ACACA: variants seen among roughly 807,000 people sequenced by gnomAD.
The protein encoded by ACACA is acetyl-CoA carboxylase 1.
ACACA carries 103 observed loss-of-function variants against 296.1 expected under a neutral mutation model. That is an observed-to-expected ratio of 0.35 (90% CI 0.30 to 0.41). The LOEUF is 0.41. Ranked by LOEUF, ACACA falls within the 10% of genes least tolerant of loss-of-function variation. The pLI, the probability that ACACA is intolerant of heterozygous loss-of-function variation, is 1.00. For missense variants in ACACA, 1,554 were observed against 2,989.7 expected, an observed-to-expected ratio of 0.52 and a Z score of 11.20; for synonymous variants, 953 against 1,038.6, an observed-to-expected ratio of 0.92 and a Z score of 1.58.
In ACACA at chr17:37,102,098, C is replaced by T. The variant is rs1288625243; in HGVS notation, c.6566-4114G>A. Reference sequence around the variant, plus strand: ...CCAGTTGCTTCAGGTACATGATCTCCAATCCTTAGGACAACTCAACTTTAT... The same window carrying T: ...CCAGTTGCTTCAGGTACATGATCTCTAATCCTTAGGACAACTCAACTTTAT... On this transcript the variant is annotated intron_variant, in intron 52 of 55. Coordinates refer to ENST00000616317, the MANE Select transcript of ACACA (RefSeq NM_198834.3). Among the ~76,000 whole-genome samples the T allele has an allele frequency of 2.6e-5, 4 of 152,082 alleles. No homozygotes were observed. In the East Asian group the frequency reaches 5.8e-4, roughly 22 times the overall value.
At chr17:37,377,357 G>T (rs1238534582) in intron 1 of ACACA, among the ~76,000 whole-genome samples, 1 of 151,954 alleles carries the variant, frequency 6.6e-6, no homozygotes, top group Non-Finnish European at 1.5e-5. Context: ...TATGTATTTG[G>T]CTGGGTGTTC....
chr17:37,310,560 G>T (rs1440659962), intron 3 of ACACA, among the ~76,000 whole-genome samples: 2 of 151,986 alleles, frequency 1.3e-5, no homozygotes. Flanking sequence ...TTGGGAGGCA[G>T]AGGCAGGTGG....
chr17:37,201,887 G>A (rs914839275), intron 33 of ACACA, among the ~76,000 whole-genome samples: 46 of 152,156 alleles, frequency 3.0e-4, no homozygotes, highest in African/African-American at 1.0e-3. Context: ...TCAATTCTGC[G>A]ATGGCATTGC....
chr17:37,115,745 T>C (rs2074215390), intron 50 of ACACA, among the ~76,000 whole-genome samples: 1 of 152,248 alleles, frequency 6.6e-6, no homozygotes, highest in Non-Finnish European at 1.5e-5. Context: ...GTGTGATTTT[T>C]AATTTTATGA....
At chr17:37,347,777 T>C (rs1466040226) in intron 1 of ACACA, among the ~76,000 whole-genome samples, 1 of 147,232 alleles carries the variant, frequency 6.8e-6, no homozygotes, top group Non-Finnish European at 1.5e-5. Context: ...AGAAAAAAAA[T>C]TTTTTAACAA....
chr17:37,358,876 G>C, intron 1 of ACACA: 1 of 906,002 alleles, frequency 1.1e-6, no homozygotes, highest in Non-Finnish European at 1.3e-6. Context: ...GGATAGTGTG[G>C]AGCCCAGGCC....
chr17:37,316,335 C>A (rs927989022), intron 3 of ACACA, among the ~76,000 whole-genome samples: 82 of 105,634 alleles, frequency 7.8e-4, no homozygotes, highest in Admixed American at 3.1e-3. Context: ...ACACACACAC[C>A]CCTAACTTTG....
chr17:37,104,061 G>C (rs949679183), intron 52 of ACACA, among the ~76,000 whole-genome samples: 1 of 152,116 alleles, frequency 6.6e-6, no homozygotes, highest in African/African-American at 2.4e-5. Flanking sequence ...GGCCACATTG[G>C]AAGAAGAAGA....
intron 54 of ACACA, among the ~76,000 whole-genome samples, chr17:37,093,092 G>A (rs2072754180): frequency 6.6e-6 from 1 of 152,174 alleles, no homozygotes; most frequent in African/African-American, 2.4e-5. Context: ...CTCCCTGCCT[G>A]GCCCTGTGTG....
At chr17:37,161,169 A>G (rs1049281403) in intron 42 of ACACA, among the ~76,000 whole-genome samples, 3 of 152,252 alleles carry the variant, frequency 2.0e-5, no homozygotes, top group African/African-American at 4.8e-5. Flanking sequence ...CCAAAGGATC[A>G]GGAAACACAA....
At chr17:37,181,051 C>T in intron 40 of ACACA, 150 bp downstream of exon 40, 1 of 855,310 alleles carries the variant, frequency 1.2e-6, no homozygotes. Flanking sequence ...TTGGCAGTCA[C>T]CAATCCTCAA....
chr17:37,293,080 C>G (rs901377207), intron 3 of ACACA, among the ~76,000 whole-genome samples: 1 of 152,184 alleles, frequency 6.6e-6, no homozygotes. Context: ...TTAATCAAGA[C>G]TAAGAACTTT....
chr17:37,167,731 T>C (rs2076738709), intron 41 of ACACA, among the ~76,000 whole-genome samples: 3 of 151,944 alleles, frequency 2.0e-5, no homozygotes, highest in Middle Eastern at 3.4e-3. Context: ...TGTGGTTTAT[T>C]TAATACAATT....
At chr17:37,273,258 C>T (rs2082141900) in intron 9 of ACACA, among the ~76,000 whole-genome samples, 1 of 152,170 alleles carries the variant, frequency 6.6e-6, no homozygotes, top group Admixed American at 6.5e-5. Flanking sequence ...ACAATAGCCT[C>T]TTTCATTATC....
At position 37,259,372 on chromosome 17, in the gene ACACA, T is replaced by C. The variant is rs1236265676; in HGVS notation, c.1488A>G (p.Ala496=). Residue 496 remains alanine (A), a synonymous_variant, in exon 12 of 56, where the codon GCA becomes GCG. Transcript: ENST00000616317. ...TEMVADVNLP[A]AQLQIAMGIP... is the part of the protein sequence containing the mutation. ...CAGGGAGACTCACCTGGAGCTGTGC[T>C]GCAGGGAGATTGACATCAGCCACCA... 4 of 1,614,076 alleles carry C rather than the reference T, an allele frequency of 2.5e-6. No individual in the cohort carries two copies. The African/African-American group carries it at 4.0e-5, about 16-fold the overall frequency.
chr17:37,185,448 G>C (rs9915979), intron 39 of ACACA, among the ~76,000 whole-genome samples: 1,357 of 118,710 alleles, frequency 0.011, 21 homozygotes, highest in African/African-American at 0.042. Flanking sequence ...ACAGGGTCTT[G>C]CCTTGTTGAG....
intron 8 of ACACA, among the ~76,000 whole-genome samples, chr17:37,275,289 A>T (rs2082231376): frequency 6.6e-6 from 1 of 152,148 alleles, no homozygotes; most frequent in East Asian, 1.9e-4. Context: ...CAAGGTCAGG[A>T]GTTCAACACC....
chr17:37,264,139 T>C (rs1434671606), intron 10 of ACACA, among the ~76,000 whole-genome samples: 3 of 152,154 alleles, frequency 2.0e-5, no homozygotes, highest in Non-Finnish European at 4.4e-5. Context: ...ATCTGGTGCA[T>C]CACAAAGGTA....
At chr17:37,309,286 A>G (rs2084022589) in intron 3 of ACACA, among the ~76,000 whole-genome samples, 1 of 152,158 alleles carries the variant, frequency 6.6e-6, no homozygotes, top group South Asian at 2.1e-4. Flanking sequence ...TTAGTCTCCC[A>G]AAGCGCTGGG....
Sources: allele counts gnomAD v4.1 joint callset (sites outside exome capture counted in the v4.1 genomes callset), GRCh38; gene constraint gnomAD v4.1.1; transcripts MANE v1.5; gene names NCBI Gene and HGNC (gene_info 2026-07-23, HGNC 2026-07-21).